Variants in TENM3 observed in about 807,000 individuals in gnomAD.
TENM3 encodes teneurin-3.
A neutral mutation model predicts 255.1 loss-of-function variants in TENM3; 63 were observed. The observed-to-expected ratio is 0.25, with a 90% CI of 0.20 to 0.30. TENM3 has a LOEUF of 0.30. TENM3 is among the 10% of genes least tolerant of loss of function. The pLI is 1.00. For missense variants in TENM3, 2,929 were observed against 3,461.1 expected, an observed-to-expected ratio of 0.85 and a Z score of 3.86; for synonymous variants, 1,306 against 1,322.3, an observed-to-expected ratio of 0.99 and a Z score of 0.27.
chr4:182,177,271 T>C (rs1455379380), intron 1 of TENM3, among the ~76,000 whole-genome samples: 1 of 152,234 alleles, frequency 6.6e-6, no homozygotes, highest in African/African-American at 2.4e-5. Context: ...TTTTAATGTG[T>C]GATCACCCCA....
At position 182,758,572 on chromosome 4, in the gene TENM3, C is replaced by T. The variant is rs56926845; in HGVS notation, c.4892+3313C>T. 6.8e-3 allele frequency among the ~76,000 whole-genome samples: 1,033 copies of T among 152,202 alleles called. 12 individuals carry two copies. The highest frequency in any genetic ancestry group is 0.023 in the African/African-American group (944 of 41,520). ...CAGCGGGGGGCTTCTGAATCCCCGT[C>T]GGAATGCCTTTGTTTTTGTAGTTAT... On this transcript the variant is annotated intron_variant, in intron 22 of 27. Transcript: ENST00000511685.
At chr4:182,400,871 A>G (rs1190261625) in intron 3 of TENM3, among the ~76,000 whole-genome samples, 1 of 152,184 alleles carries the variant, frequency 6.6e-6, no homozygotes, top group East Asian at 1.9e-4. Context: ...ATTTCTATTT[A>G]TCAGGTTAAC....
chr4:181,859,080 C>T, the TENM3 span, among the ~76,000 whole-genome samples: 1 of 151,666 alleles, frequency 6.6e-6, no homozygotes, highest in Non-Finnish European at 1.5e-5. Flanking sequence ...AATAATTTTA[C>T]ATATATGTCA....
chr4:182,535,227 T>G (rs1740184073), intron 3 of TENM3, among the ~76,000 whole-genome samples: 1 of 152,204 alleles, frequency 6.6e-6, no homozygotes, highest in Admixed American at 6.5e-5. Context: ...CTATGGAAAA[T>G]AAATTCTCAG....
chr4:181,801,019 G>A, the TENM3 span, among the ~76,000 whole-genome samples: 34,644 of 152,086 alleles, frequency 0.23, 4,340 homozygotes, highest in South Asian at 0.31. Flanking sequence ...GTGTTATGGC[G>A]AGTTGGGAAG....
chr4:182,706,222 G>A (rs72703938), intron 12 of TENM3, among the ~76,000 whole-genome samples: 8,657 of 152,162 alleles, frequency 0.057, 349 homozygotes, highest in Non-Finnish European at 0.081. Context: ...GTGTCAGACT[G>A]CCTGGTTGGA....
chr4:182,186,177 C>G (rs1157588115), intron 1 of TENM3, among the ~76,000 whole-genome samples: 2 of 152,136 alleles, frequency 1.3e-5, no homozygotes, highest in Non-Finnish European at 2.9e-5. Flanking sequence ...TGTGTGTGCA[C>G]ACTCATGCAA....
chr4:182,255,914 T>C (rs916860626), intron 1 of TENM3, among the ~76,000 whole-genome samples: 1 of 152,188 alleles, frequency 6.6e-6, no homozygotes, highest in Non-Finnish European at 1.5e-5. Context: ...AACTCTCACA[T>C]CCCCTTAAAT....
At chr4:182,243,261 T>C (rs1757400847), upstream of TENM3, among the ~76,000 whole-genome samples, 1 of 152,162 alleles carries the variant, frequency 6.6e-6, no homozygotes, top group South Asian at 2.1e-4. Context: ...ATTACAGGCA[T>C]GCACCACCAC....
Position 182,729,012 on chromosome 4 carries a change from T to C in TENM3, c.2416T>C (p.Cys806Arg). Residue 806 changes from cysteine (C) to arginine (R), a missense_variant, in exon 14 of 28, where the codon TGC becomes CGC. Transcript: ENST00000511685. ...MDPDCCLQSS[C>R]QNQPYCRGLP... The stretch of plus-strand genomic sequence containing the variant: ...TCCCGATTGCTGCCTACAGAGTTCC[T>C]GCCAGAATCAGCCCTATTGTCGGGG... 2 of 1,614,010 alleles carry C rather than the reference T, an allele frequency of 1.2e-6. No homozygotes were observed. The highest frequency in any genetic ancestry group is 1.7e-6 in the Non-Finnish European group (2 of 1,179,880).
chr4:181,871,382 T>C, the TENM3 span, among the ~76,000 whole-genome samples: 5 of 152,098 alleles, frequency 3.3e-5, no homozygotes, highest in East Asian at 1.9e-4. Flanking sequence ...TCCATGAATA[T>C]GGTAACTCTC....
At chr4:181,550,404 G>A in the TENM3 span, among the ~76,000 whole-genome samples, 3 of 152,198 alleles carry the variant, frequency 2.0e-5, no homozygotes, top group African/African-American at 7.2e-5. Context: ...TAGCATCTCT[G>A]TAATGGAATT....
chr4:182,186,934 A>G (rs932171959), intron 1 of TENM3, among the ~76,000 whole-genome samples: 2 of 150,252 alleles, frequency 1.3e-5, no homozygotes, highest in East Asian at 2.0e-4. Flanking sequence ...CCGCTTCTTC[A>G]GATCTCTAAT....
At chr4:182,561,974 A>G (rs1363797624) in intron 3 of TENM3, among the ~76,000 whole-genome samples, 1 of 141,006 alleles carries the variant, frequency 7.1e-6, no homozygotes, top group East Asian at 2.2e-4. Context: ...ATATCCAGAT[A>G]GATAGATAGA....
the TENM3 span, among the ~76,000 whole-genome samples, chr4:181,740,238 T>C: frequency 6.6e-6 from 1 of 152,188 alleles, no homozygotes; most frequent in Non-Finnish European, 1.5e-5. Flanking sequence ...TGAACAAAAT[T>C]ATACTATATT....
At chr4:181,852,405 C>T in the TENM3 span, among the ~76,000 whole-genome samples, 1 of 152,182 alleles carries the variant, frequency 6.6e-6, no homozygotes, top group African/African-American at 2.4e-5. Flanking sequence ...GACTGTGGGA[C>T]TTTGGGTAAA....
At chr4:182,670,226 C>T (rs1445860137) in intron 6 of TENM3, among the ~76,000 whole-genome samples, 7 of 152,076 alleles carry the variant, frequency 4.6e-5, no homozygotes, top group African/African-American at 1.7e-4. Context: ...GAATGATCTA[C>T]AGTTTATAAT....
chr4:182,290,657 C>T (rs1297971652), intron 1 of TENM3, among the ~76,000 whole-genome samples: 1 of 150,770 alleles, frequency 6.6e-6, no homozygotes, highest in South Asian at 2.1e-4. Context: ...CGCCCGCCAC[C>T]ACGCCCAGCT....
the TENM3 span, among the ~76,000 whole-genome samples, chr4:181,717,573 A>G: frequency 1.3e-5 from 2 of 152,238 alleles, no homozygotes; most frequent in South Asian, 2.1e-4. Flanking sequence ...TGGTATATGA[A>G]TACGACACCA....
Sources: gnomAD v4.1 joint callset for allele counts (sites outside exome capture counted in the v4.1 genomes callset) on GRCh38, gnomAD v4.1.1 for gene constraint, MANE v1.5 for transcripts, NCBI Gene and HGNC (gene_info 2026-07-23, HGNC 2026-07-21) for gene names.